Variants in CADPS observed in about 807,000 individuals in gnomAD.
CADPS encodes calcium dependent secretion activator, also known as calcium-dependent secretion activator 1.
In CADPS, 57 loss-of-function variants were observed where a neutral mutation model predicts 167.3. That is an observed-to-expected ratio of 0.34 (90% CI 0.28 to 0.42). The LOEUF (loss-of-function observed/expected upper bound fraction) is 0.42. Ranked by LOEUF, CADPS falls within the 20% of genes least tolerant of loss-of-function variation. The pLI, the probability that CADPS is intolerant of heterozygous loss-of-function variation, is 1.00. For missense variants in CADPS, 1,414 were observed against 1,738.1 expected (o/e 0.81, Z 3.32); for synonymous variants, 676 against 635.3 (o/e 1.06, Z -0.96).
chr3:62,524,107 A>G (rs1427572147), intron 13 of CADPS, among the ~76,000 whole-genome samples: 4 of 152,218 alleles, frequency 2.6e-5, no homozygotes, highest in Admixed American at 2.6e-4. Context: ...TCTCCCAGAA[A>G]CTAACTCTTT....
chr3:62,550,251 A>G (rs2077110769), intron 10 of CADPS, 136 bp from the exon 11 acceptor site: 1 of 645,584 alleles, frequency 1.5e-6, no homozygotes, highest in Non-Finnish European at 2.7e-6. Flanking sequence ...TAGGATGGGA[A>G]GTCTGAGATT....
chr3:62,673,137 T>C (rs747211324), intron 3 of CADPS, among the ~76,000 whole-genome samples: 13 of 152,216 alleles, frequency 8.5e-5, no homozygotes, highest in Non-Finnish European at 7.3e-5. Context: ...TTGTCTGTCT[T>C]GTTCATTATA....
chr3:62,437,169 A>T (rs945900199), intron 28 of CADPS, among the ~76,000 whole-genome samples: 41 of 152,130 alleles, frequency 2.7e-4, no homozygotes, highest in African/African-American at 9.9e-4. Flanking sequence ...AGACAGAAGT[A>T]GGCTGCACAC....
intron 1 of CADPS, among the ~76,000 whole-genome samples, chr3:62,815,250 G>C (rs1446036456): frequency 6.6e-6 from 1 of 151,412 alleles, no homozygotes; most frequent in Admixed American, 6.6e-5. Context: ...TTGTGTGATA[G>C]TCAATGGAAT....
Position 62,499,264 on chromosome 3 carries a change from A to G in CADPS, c.2604T>C (p.Asn868=), listed in dbSNP as rs1014154638. Residue 868 remains asparagine, a synonymous_variant, in exon 18 of 30, where the codon AAT becomes AAC. Transcript: ENST00000383710. ...KIEENQKDAE[N]VGRLITPAKK... is the part of the protein sequence containing the mutation. The stretch of plus-strand genomic sequence containing the variant: ...TGGCAGGAGTGATTAACCGGCCTAC[A>G]TTTTCTGTAGTACAAGAGTTTGTGT... 4 of 1,607,380 alleles carry G rather than the reference A, an allele frequency of 2.5e-6. No individual in the cohort carries two copies. The highest frequency in any genetic ancestry group is 1.7e-5 in the Admixed American group (1 of 59,992).
intron 3 of CADPS, among the ~76,000 whole-genome samples, chr3:62,684,400 T>C: frequency 6.6e-6 from 1 of 152,042 alleles, no homozygotes; most frequent in Non-Finnish European, 1.5e-5. Context: ...GCTCAGCTTG[T>C]GTATTGCCTA....
chr3:62,861,468 A>G (rs1314464233), intron 1 of CADPS, among the ~76,000 whole-genome samples: 1 of 152,204 alleles, frequency 6.6e-6, no homozygotes, highest in Non-Finnish European at 1.5e-5. Context: ...TTGATTCAAG[A>G]TACTTCTACA....
rs149811680 is a variant in CADPS, at chr3:62,551,354, C to T, written c.1754-1239G>A. On this transcript the variant is annotated intron_variant, in intron 10 of 29. Transcript: ENST00000383710. ...AATCATGAAATTCTGATGGTTCCAC[C>T]GTTAGGACATTACCAGAATTTGATC... Among the ~76,000 whole-genome samples, 31 of 152,290 alleles carry T rather than the reference C, an allele frequency of 2.0e-4. No homozygotes were observed. In the East Asian group the frequency reaches 4.4e-3, roughly 22 times the overall value.
intron 13 of CADPS, among the ~76,000 whole-genome samples, chr3:62,525,502 T>C (rs2071855143): frequency 6.6e-6 from 1 of 152,164 alleles, no homozygotes; most frequent in Non-Finnish European, 1.5e-5. Context: ...ATCTTTGTGT[T>C]CAGTGTGTAA....
chr3:62,868,530 T>C (rs1368440556), intron 1 of CADPS, among the ~76,000 whole-genome samples: 1 of 152,134 alleles, frequency 6.6e-6, no homozygotes, highest in Non-Finnish European at 1.5e-5. Context: ...AATATTTTGA[T>C]AGTTTTAAAT....
At chr3:62,597,425 T>A (rs1218956460) in intron 6 of CADPS, among the ~76,000 whole-genome samples, 1 of 152,158 alleles carries the variant, frequency 6.6e-6, no homozygotes, top group African/African-American at 2.4e-5. Flanking sequence ...AAGAGAAAGA[T>A]TTCTGCTGGA....
At chr3:62,764,732 T>A (rs181868935) in intron 2 of CADPS, among the ~76,000 whole-genome samples, 2 of 152,214 alleles carry the variant, frequency 1.3e-5, no homozygotes, top group African/African-American at 2.4e-5. Context: ...CTGAATCAGA[T>A]GGGCAGACTA....
chr3:62,606,803 C>T (rs1006764915), intron 6 of CADPS, among the ~76,000 whole-genome samples: 4 of 152,186 alleles, frequency 2.6e-5, no homozygotes, highest in Admixed American at 6.5e-5. Context: ...GCAAAGCCTC[C>T]TCCAGGTAGC....
At chr3:62,515,617 AAG>A (rs968310212) in intron 16 of CADPS, among the ~76,000 whole-genome samples, 2 of 152,052 alleles carry the variant, frequency 1.3e-5, no homozygotes, top group African/African-American at 4.8e-5. Context: ...GGGGGCAAGA[AAG>A]AGCAAAACCT....
intron 12 of CADPS, among the ~76,000 whole-genome samples, chr3:62,534,898 C>G (rs967796716): frequency 6.6e-6 from 1 of 151,952 alleles, no homozygotes; most frequent in Non-Finnish European, 1.5e-5. Flanking sequence ...TAATTTTAAG[C>G]CTATAAGTAA....
intron 18 of CADPS, chr3:62,498,110 C>G: frequency 2.2e-6 from 1 of 456,554 alleles, no homozygotes; most frequent in Non-Finnish European, 4.4e-6. Flanking sequence ...CAAAGTATGA[C>G]AGCAGGTGGC....
intron 3 of CADPS, among the ~76,000 whole-genome samples, chr3:62,743,802 T>C (rs1040757762): frequency 6.6e-6 from 1 of 152,162 alleles, no homozygotes; most frequent in African/African-American, 2.4e-5. Context: ...TTAGCCAATA[T>C]ACAGAATTGA....
intron 6 of CADPS, among the ~76,000 whole-genome samples, chr3:62,611,662 T>C (rs2061517334): frequency 6.6e-6 from 1 of 152,204 alleles, no homozygotes. Flanking sequence ...TAGCTTCACC[T>C]ACATCAATCT....
chr3:62,778,135 T>C (rs914597369), intron 1 of CADPS, among the ~76,000 whole-genome samples: 1 of 152,172 alleles, frequency 6.6e-6, no homozygotes, highest in Non-Finnish European at 1.5e-5. Flanking sequence ...AGTGGAGAGG[T>C]TGAACTTTCC....
Sources: allele counts gnomAD v4.1 joint callset (sites outside exome capture counted in the v4.1 genomes callset), GRCh38; gene constraint gnomAD v4.1.1; transcripts MANE v1.5; gene names NCBI Gene and HGNC (gene_info 2026-07-23, HGNC 2026-07-21).